LAMB4: variants seen among roughly 807,000 people sequenced by gnomAD.
The protein encoded by LAMB4 is laminin subunit beta-4.
A neutral mutation model predicts 199.2 loss-of-function variants in LAMB4; 196 were observed. The observed-to-expected ratio is 0.98, with a 90% CI of 0.88 to 1.11. The LOEUF is 1.11. Among genes scored for constraint, LAMB4 ranks in the 50% least tolerant of loss-of-function variants. LAMB4 has a pLI of 0.00. For missense variants in LAMB4, 2,080 were observed against 2,171.2 expected, an observed-to-expected ratio of 0.96 and a Z score of 0.83; for synonymous variants, 744 against 770.6, an observed-to-expected ratio of 0.97 and a Z score of 0.57.
intron 1 of LAMB4, among the ~76,000 whole-genome samples, chr7:108,126,861 C>T (rs916051055): frequency 6.6e-6 from 1 of 152,132 alleles, no homozygotes. Context: ...AGCCACCGCG[C>T]CCGGCCTTCT....
intron 16 of LAMB4, among the ~76,000 whole-genome samples, chr7:108,077,938 G>A (rs1329688717): frequency 6.6e-6 from 1 of 152,194 alleles, no homozygotes; most frequent in Non-Finnish European, 1.5e-5. Context: ...CATTAGTGAT[G>A]AGTTTTCAGT....
At position 108,066,560 on chromosome 7, in the gene LAMB4, A is replaced by G; in HGVS notation, c.2487T>C (p.Cys829=). Reference sequence around the variant, plus strand: ...AGGGGCACTGTCCTGTTACTTGGTCACATACAGTGTCCTTTGATCCTTGAG... The same window carrying G: ...AGGGGCACTGTCCTGTTACTTGGTCGCATACAGTGTCCTTTGATCCTTGAG... ...CHPQGSKDTV[C]DQVTGQCPCH... Residue 829 remains cysteine (C), a synonymous_variant, in exon 20 of 34, where the codon TGT becomes TGC. Transcript: ENST00000388781. The G allele has an allele frequency of 3.1e-6, 5 of 1,613,344 alleles. No homozygotes were observed. Among genetic ancestry groups the G allele is most frequent in the Non-Finnish European group, 4.2e-6 (5 of 1,179,670 alleles).
Position 108,049,229 on chromosome 7 carries a change from A to G in LAMB4, c.4122+97T>C, listed in dbSNP as rs1010943629. 4.7e-5 allele frequency: 18 copies of G among 385,624 alleles called. 1 individual carries two copies. The South Asian group carries it at 1.4e-3, about 30-fold the overall frequency. The allele number at this position is 385,624 out of a possible 1,614,324, so 23.9% of individuals were successfully genotyped here. Reference sequence around the variant, plus strand: ...ATATATTTCTAATATATAATGAAAAAGAAATTTAAAATGTAAGCTAGGGAA... The same window carrying G: ...ATATATTTCTAATATATAATGAAAAGGAAATTTAAAATGTAAGCTAGGGAA... On this transcript the variant is annotated intron_variant, in intron 27 of 33. Transcript: ENST00000388781.
intron 10 of LAMB4, among the ~76,000 whole-genome samples, chr7:108,100,987 T>C (rs1477394460): frequency 1.3e-5 from 2 of 152,240 alleles, no homozygotes; most frequent in Non-Finnish European, 2.9e-5. Context: ...TATATTGTGA[T>C]CACTTAAAGT....
chr7:108,084,524 C>G (rs117505914), intron 14 of LAMB4, among the ~76,000 whole-genome samples: 1 of 152,078 alleles, frequency 6.6e-6, no homozygotes. Context: ...AAGAGATATG[C>G]GCATCATGTA....
At chr7:108,054,052 T>C (rs542926211) in intron 25 of LAMB4, among the ~76,000 whole-genome samples, 1 of 152,354 alleles carries the variant, frequency 6.6e-6, no homozygotes, top group African/African-American at 2.4e-5. Flanking sequence ...AGACAGGGTC[T>C]CATTCTATCA....
intron 14 of LAMB4, among the ~76,000 whole-genome samples, chr7:108,085,969 GTGT>G (rs1466192338): frequency 6.6e-6 from 1 of 152,188 alleles, no homozygotes; most frequent in African/African-American, 2.4e-5. Flanking sequence ...CAATGAGTAG[GTGT>G]TGTAGGTGCT....
chr7:108,109,208 G>C lies in LAMB4; in HGVS notation c.365C>G (p.Ala122Gly). ...DHVSIRLDLE[A>G]LFRFSHLILT... ...GATAAGGTGGCTGAACCGAAATAAT[G>C]CCTCTAAGTCCAGTCTGATGCTGAC... The change falls in exon 5 of 34, where the codon GCA (alanine) becomes GGA (glycine). Residue 122 changes from alanine (A) to glycine (G), a missense_variant. Transcript: ENST00000388781. The C allele has an allele frequency of 6.2e-7, 1 of 1,613,538 alleles. No individual in the cohort carries two copies. The highest frequency in any genetic ancestry group is 8.5e-7 in the Non-Finnish European group (1 of 1,179,660).
intron 5 of LAMB4, among the ~76,000 whole-genome samples, chr7:108,108,047 C>T (rs957584860): frequency 6.6e-6 from 1 of 152,090 alleles, no homozygotes; most frequent in Non-Finnish European, 1.5e-5. Context: ...CCCAGGTGAT[C>T]CTCCCACCTC....
intron 31 of LAMB4, among the ~76,000 whole-genome samples, chr7:108,032,751 T>C (rs552510632): frequency 8.5e-4 from 129 of 151,986 alleles, no homozygotes; most frequent in Non-Finnish European, 1.5e-3. Flanking sequence ...TAACATTTCA[T>C]TAAGGATTTT....
At chr7:108,043,223 A>G (rs772413550) in intron 29 of LAMB4, among the ~76,000 whole-genome samples, 1 of 152,146 alleles carries the variant, frequency 6.6e-6, no homozygotes, top group Non-Finnish European at 1.5e-5. Flanking sequence ...ATTAAAATTC[A>G]GCATATCTTG....
chr7:108,083,100 G>T (rs2037020845), intron 14 of LAMB4, among the ~76,000 whole-genome samples: 1 of 152,174 alleles, frequency 6.6e-6, no homozygotes, highest in Non-Finnish European at 1.5e-5. Context: ...TCAATCCTTT[G>T]ATGTTTCTAC....
At chr7:108,015,998 C>A in the LAMB4 span, among the ~76,000 whole-genome samples, 1 of 152,064 alleles carries the variant, frequency 6.6e-6, no homozygotes, top group African/African-American at 2.4e-5. Context: ...ATTTGACTTA[C>A]AGCTTAGGTC....
chr7:108,058,409 A>G (rs575411562), intron 23 of LAMB4, among the ~76,000 whole-genome samples: 1 of 152,346 alleles, frequency 6.6e-6, no homozygotes, highest in South Asian at 2.1e-4. Flanking sequence ...CTTCAGGCTT[A>G]ATGATTTAAT....
At chr7:108,109,340 C>G (rs1006386358) in intron 4 of LAMB4, 96 bp from the exon 5 acceptor site, 1 of 886,722 alleles carries the variant, frequency 1.1e-6, no homozygotes, top group Non-Finnish European at 1.8e-6. Context: ...AATAAAATCT[C>G]TTTGATGCCA....
In LAMB4 at chr7:108,111,862, T is replaced by A; in HGVS notation, c.277A>T (p.Ile93Phe). The change falls in exon 4 of 34, where the codon ATT (isoleucine) becomes TTT (phenylalanine). Residue 93 changes from isoleucine (I) to phenylalanine (F), a missense_variant. Ile to Phe is a conservative substitution (Grantham distance 21, BLOSUM62 0). Coordinates refer to ENST00000388781, the MANE Select transcript of LAMB4 (RefSeq NM_007356.3). ...QPNSHTIENV[I>F]VSFEPDREKK... ...TCTCTGTCTGGTTCAAAACTTACAATGACATTCTCAATGGTGTGGCTGTTG... is the reference window on the plus strand; with the variant it reads ...TCTCTGTCTGGTTCAAAACTTACAAAGACATTCTCAATGGTGTGGCTGTTG... 4 of 1,612,044 alleles carry A rather than the reference T, an allele frequency of 2.5e-6. No homozygotes were observed. Among genetic ancestry groups the A allele is most frequent in the Non-Finnish European group, 3.4e-6 (4 of 1,179,072 alleles).
intron 28 of LAMB4, among the ~76,000 whole-genome samples, chr7:108,047,326 CT>C (rs1180107755): frequency 6.6e-6 from 1 of 152,080 alleles, no homozygotes; most frequent in Non-Finnish European, 1.5e-5. Context: ...TCCTCCACCC[CT>C]GCCATCTCTG....
At chr7:108,056,052 T>A (rs1375590735) in intron 24 of LAMB4, 45 bp from the exon 25 acceptor site, 2 of 1,531,264 alleles carry the variant, frequency 1.3e-6, no homozygotes, top group African/African-American at 2.8e-5. Context: ...CTGGGCCTTT[T>A]GTTGATGACT....
At position 108,049,541 on chromosome 7, in the gene LAMB4, T is replaced by C; in HGVS notation, c.3917-10A>G. 1 of 1,526,694 alleles carries C rather than the reference T, an allele frequency of 6.6e-7. No homozygotes were observed. The highest frequency in any genetic ancestry group is 8.9e-7 in the Non-Finnish European group (1 of 1,120,892). The allele number at this position is 1,526,694 out of a possible 1,614,324, so 94.6% of individuals were successfully genotyped here. ...ATGTTTTCTGAGGAGTCTACGTCAA[T>C]GCAAATTGAAGTAAGGTAAATTTTG... is the stretch of plus-strand genomic sequence containing the variant. On this transcript the variant is annotated splice_polypyrimidine_tract_variant and intron_variant, in intron 26 of 33. Coordinates refer to ENST00000388781, the MANE Select transcript of LAMB4 (RefSeq NM_007356.3).
Sources: allele counts gnomAD v4.1 joint callset (sites outside exome capture counted in the v4.1 genomes callset), GRCh38; gene constraint gnomAD v4.1.1; transcripts MANE v1.5; gene names NCBI Gene and HGNC (gene_info 2026-07-23, HGNC 2026-07-21).